Variants in CNTN3 observed in about 807,000 individuals in gnomAD.
The protein encoded by CNTN3 is contactin-3.
A neutral mutation model predicts 119.1 loss-of-function variants in CNTN3; 60 were observed. The observed-to-expected ratio is 0.50, with a 90% CI of 0.41 to 0.62. The LOEUF (loss-of-function observed/expected upper bound fraction) is 0.62, where lower values mean the gene tolerates loss of function less well. Ranked by LOEUF, CNTN3 falls within the 20% of genes least tolerant of loss-of-function variation. The pLI is 0.00. For synonymous variants in CNTN3, 450 were observed against 438.7 expected (o/e 1.03, Z -0.32); for missense variants, 1,101 against 1,242.4 (o/e 0.89, Z 1.71).
chr3:74,332,513 CTATG>C (rs1338786469), intron 13 of CNTN3, among the ~76,000 whole-genome samples: 1 of 152,174 alleles, frequency 6.6e-6, no homozygotes, highest in African/African-American at 2.4e-5. Context: ...CCTATCAGTG[CTATG>C]TAAATCAAGA....
At chr3:74,266,425 A>G (rs917054257) in intron 22 of CNTN3, 56 bp downstream of exon 22, 12 of 1,497,296 alleles carry the variant, frequency 8.0e-6, no homozygotes, top group African/African-American at 1.4e-5. Flanking sequence ...TTGACTCACT[A>G]TGGCGGATAG....
chr3:74,281,955 G>C (rs2106775086), intron 20 of CNTN3, among the ~76,000 whole-genome samples: 1 of 152,264 alleles, frequency 6.6e-6, no homozygotes, highest in Non-Finnish European at 1.5e-5. Context: ...ATACAAAGCA[G>C]AATATTTATC....
chr3:74,408,798 A>G (rs1218568666), intron 5 of CNTN3, among the ~76,000 whole-genome samples: 2 of 152,132 alleles, frequency 1.3e-5, no homozygotes, highest in African/African-American at 2.4e-5. Context: ...GAAGAATTTC[A>G]TATCATTCAT....
At chr3:74,320,884 T>A (rs1273458483) in intron 13 of CNTN3, among the ~76,000 whole-genome samples, 2 of 151,882 alleles carry the variant, frequency 1.3e-5, no homozygotes, top group Non-Finnish European at 2.9e-5. Flanking sequence ...CTTGTCTATG[T>A]CTATATCCTC....
intron 2 of CNTN3, among the ~76,000 whole-genome samples, chr3:74,520,159 G>A (rs1321325307): frequency 6.7e-6 from 1 of 149,240 alleles, no homozygotes. Flanking sequence ...GTCTTCTAAG[G>A]AGATGAGTAT....
chr3:74,455,402 G>A (rs893085075), intron 4 of CNTN3, among the ~76,000 whole-genome samples: 5 of 150,496 alleles, frequency 3.3e-5, no homozygotes, highest in East Asian at 4.0e-4. Context: ...TTATACATTC[G>A]TCTAAATTTT....
intron 1 of CNTN3, among the ~76,000 whole-genome samples, chr3:74,588,615 C>G (rs949683619): frequency 3.9e-5 from 6 of 152,016 alleles, no homozygotes; most frequent in African/African-American, 1.2e-4. Flanking sequence ...CTTTAACGTT[C>G]CTATGGAACC....
chr3:74,393,935 C>T (rs1704981297), intron 5 of CNTN3, among the ~76,000 whole-genome samples: 1 of 152,084 alleles, frequency 6.6e-6, no homozygotes, highest in Non-Finnish European at 1.5e-5. Context: ...CTTAGAGCAT[C>T]ATAAAAGTAC....
intron 12 of CNTN3, among the ~76,000 whole-genome samples, chr3:74,335,587 G>A (rs912969381): frequency 6.6e-6 from 1 of 152,060 alleles, no homozygotes; most frequent in Non-Finnish European, 1.5e-5. Flanking sequence ...TATGCATGTT[G>A]TCTACAATTA....
intron 4 of CNTN3, among the ~76,000 whole-genome samples, chr3:74,435,153 T>C (rs1021386695): frequency 6.6e-6 from 1 of 152,214 alleles, no homozygotes; most frequent in African/African-American, 2.4e-5. Context: ...ATTACCATCA[T>C]ATTAATTTTA....
At chr3:74,442,686 T>C (rs1039797776) in intron 4 of CNTN3, among the ~76,000 whole-genome samples, 3 of 152,158 alleles carry the variant, frequency 2.0e-5, no homozygotes, top group South Asian at 2.1e-4. Context: ...AGTAGCTCCA[T>C]GGGTGGTGCA....
Position 74,486,555 on chromosome 3 carries a change from T to C in CNTN3, c.259A>G (p.Ile87Val), listed in dbSNP as rs778876148. 1.9e-6 allele frequency: 3 copies of C among 1,610,140 alleles called. No individual in the cohort carries two copies. Among genetic ancestry groups the C allele is most frequent in the Non-Finnish European group, 2.5e-6 (3 of 1,178,980 alleles). Residue 87 changes from isoleucine to valine, a missense_variant, in exon 4 of 23, where the codon ATT (isoleucine) becomes GTT (valine). Transcript: ENST00000263665. ...YKLNGGNLVV[I>V]NPNRNWDTGT... ...GTATCCCAATTTCTGTTGGGATTAA[T>C]AACCACAAGATTTCCTCCATTCAAC... is the stretch of plus-strand genomic sequence containing the variant.
At chr3:74,565,505 A>G (rs1234141267) in intron 1 of CNTN3, among the ~76,000 whole-genome samples, 2 of 152,208 alleles carry the variant, frequency 1.3e-5, no homozygotes, top group African/African-American at 4.8e-5. Context: ...AATCACAGAT[A>G]TAAAGTCCAT....
Position 74,431,396 on chromosome 3 carries a change from G to T in CNTN3, c.359-6456C>A, listed in dbSNP as rs189970126. 2.1e-3 allele frequency among the ~76,000 whole-genome samples: 325 copies of T among 152,126 alleles called. 2 individuals carry two copies. Among genetic ancestry groups the T allele is most frequent in the Non-Finnish European group, 3.1e-3 (211 of 68,006 alleles). On this transcript the variant is annotated intron_variant, in intron 4 of 22. Transcript: ENST00000263665. ...AAATACCACTTGGTATAACTGCAGGGGTATAGTGCACAAGTCTGTCTCTGT... is the reference window on the plus strand; with the variant it reads ...AAATACCACTTGGTATAACTGCAGGTGTATAGTGCACAAGTCTGTCTCTGT...
chr3:74,548,058 C>T (rs1008334000), intron 1 of CNTN3, among the ~76,000 whole-genome samples: 1 of 152,124 alleles, frequency 6.6e-6, no homozygotes, highest in African/African-American at 2.4e-5. Flanking sequence ...ATCCATTCAC[C>T]ATTAAATTGA....
intron 22 of CNTN3, 62 bp from the exon 23 acceptor site, chr3:74,264,563 G>A: frequency 9.0e-7 from 1 of 1,110,358 alleles, no homozygotes; most frequent in South Asian, 1.4e-5. Flanking sequence ...CAGGGTGCTA[G>A]AGACTGGATA....
intron 8 of CNTN3, among the ~76,000 whole-genome samples, chr3:74,368,952 T>G (rs1447891704): frequency 1.3e-5 from 2 of 152,138 alleles, no homozygotes; most frequent in African/African-American, 4.8e-5. Context: ...ATATTTTATC[T>G]TTGCATGAAT....
intron 2 of CNTN3, among the ~76,000 whole-genome samples, chr3:74,507,092 T>C (rs1368480239): frequency 1.3e-5 from 2 of 152,168 alleles, no homozygotes; most frequent in Non-Finnish European, 2.9e-5. Context: ...AAGAATTCCT[T>C]TTGTAAATTA....
intron 1 of CNTN3, among the ~76,000 whole-genome samples, chr3:74,523,067 G>T (rs1703566273): frequency 6.6e-6 from 1 of 151,416 alleles, no homozygotes; most frequent in East Asian, 2.0e-4. Flanking sequence ...GGACCAAAGG[G>T]TCTCAGGTAT....
Sources: gnomAD v4.1 joint callset for allele counts (sites outside exome capture counted in the v4.1 genomes callset) on GRCh38, gnomAD v4.1.1 for gene constraint, MANE v1.5 for transcripts, NCBI Gene and HGNC (gene_info 2026-07-23, HGNC 2026-07-21) for gene names.